Variants in GALNT17 observed in about 807,000 individuals in gnomAD.
GALNT17 encodes polypeptide N-acetylgalactosaminyltransferase 17, also known as UDP-GalNAc:polypeptide N-acetylgalactosaminyltransferase-like 3.
A neutral mutation model predicts 63.7 loss-of-function variants in GALNT17; 29 were observed. The ratio of observed to expected loss-of-function variants is 0.46; its 90% CI spans 0.34 to 0.62. The LOEUF (loss-of-function observed/expected upper bound fraction) is 0.62. Among genes scored for constraint, GALNT17 ranks in the 20% least tolerant of loss-of-function variants. The pLI, the probability that GALNT17 is intolerant of heterozygous loss-of-function variation, is 0.01. For synonymous variants in GALNT17, 305 were observed against 318.3 expected (o/e 0.96, Z 0.45); for missense variants, 603 against 799.6 (o/e 0.75, Z 2.97).
At chr7:71,369,811 C>CAAAA (rs763387719) in intron 2 of GALNT17, among the ~76,000 whole-genome samples, 3 of 72,132 alleles carry the variant, frequency 4.2e-5, no homozygotes, top group Non-Finnish European at 8.9e-5. Flanking sequence ...GGCTTTTTGT[C>CAAAA]AAAAAAAAAA....
At chr7:71,431,774 G>A (rs147189797) in intron 5 of GALNT17, among the ~76,000 whole-genome samples, 2 of 152,076 alleles carry the variant, frequency 1.3e-5, no homozygotes, top group African/African-American at 2.4e-5. Context: ...GTGTGTTTGG[G>A]GTCTTAAAGC....
intron 1 of GALNT17, among the ~76,000 whole-genome samples, chr7:71,173,972 G>T: frequency 6.6e-6 from 1 of 152,106 alleles, no homozygotes. Context: ...GAGAAAACTG[G>T]GAAGAGGAGG....
chr7:71,542,092 C>T (rs527683362), intron 5 of GALNT17, among the ~76,000 whole-genome samples: 9 of 152,168 alleles, frequency 5.9e-5, no homozygotes, highest in East Asian at 1.9e-4. Flanking sequence ...GCAGGGGAAC[C>T]GGATCGTGCA....
intron 5 of GALNT17, among the ~76,000 whole-genome samples, chr7:71,502,448 T>A (rs145737101): frequency 6.6e-6 from 1 of 152,236 alleles, no homozygotes; most frequent in Non-Finnish European, 1.5e-5. Flanking sequence ...CTGTCAGATA[T>A]GTCCTTCTTC....
rs139751210 is a variant in GALNT17 at position 71,184,939 on chromosome 7, A to C, written c.238+51899A>C. ...CCCACCCTCCCTCCCTCCCTTCCTC[A>C]CTTCCTTCCTTCCTTCCTTCCTTCC... is the stretch of plus-strand genomic sequence containing the variant. On this transcript the variant is annotated intron_variant, in intron 1 of 10. Transcript: ENST00000333538. Among the ~76,000 whole-genome samples the C allele has an allele frequency of 7.8e-3, 501 of 64,112 alleles. 7 individuals carry two copies. The highest frequency in any genetic ancestry group is 0.032 in the East Asian group (51 of 1,610). 42.1% of individuals were successfully genotyped at this position (64,112 alleles called of 152,430 possible).
intron 5 of GALNT17, among the ~76,000 whole-genome samples, chr7:71,536,685 C>T (rs150650208): frequency 3.9e-5 from 6 of 152,238 alleles, no homozygotes; most frequent in South Asian, 2.1e-4. Context: ...TCCCACAACA[C>T]GTGGGAATTA....
chr7:71,238,302 G>A (rs890499909), intron 1 of GALNT17, among the ~76,000 whole-genome samples: 6 of 152,176 alleles, frequency 3.9e-5, no homozygotes, highest in African/African-American at 1.4e-4. Context: ...AAGGTGAGGG[G>A]TTGGGAAAGA....
chr7:71,675,851 G>T (rs965156834), intron 8 of GALNT17, among the ~76,000 whole-genome samples: 6 of 152,118 alleles, frequency 3.9e-5, no homozygotes, highest in Non-Finnish European at 8.8e-5. Context: ...AACTGGGCGT[G>T]GTAGCGGGCG....
chr7:71,331,319 C>G (rs755668614), intron 1 of GALNT17, among the ~76,000 whole-genome samples: 1 of 152,172 alleles, frequency 6.6e-6, no homozygotes, highest in Admixed American at 6.6e-5. Flanking sequence ...TGCCATCTCT[C>G]GCACAGGCTG....
intron 2 of GALNT17, among the ~76,000 whole-genome samples, chr7:71,338,051 T>C (rs1351771275): frequency 6.6e-6 from 1 of 151,052 alleles, no homozygotes. Context: ...AACCTAAAAA[T>C]TGCGAGGTGC....
At chr7:71,523,883 G>A (rs1788571854) in intron 5 of GALNT17, among the ~76,000 whole-genome samples, 1 of 151,800 alleles carries the variant, frequency 6.6e-6, no homozygotes. Context: ...ACTTTGGAAG[G>A]CCGAGGTGGG....
rs73188461 is a variant in GALNT17 at position 71,216,444 on chromosome 7, C to G, written c.238+83404C>G. On this transcript the variant is annotated intron_variant, in intron 1 of 10. Transcript: ENST00000333538. ...TTTGAGAACCCCTGATGTGGTGACT[C>G]AGATACATTCAACTTCATCTTTGCT... Among the ~76,000 whole-genome samples the G allele has an allele frequency of 8.5e-3, 1,295 of 152,236 alleles. 11 individuals are homozygous for G. Among genetic ancestry groups the G allele is most frequent in the Non-Finnish European group, 0.015 (999 of 68,004 alleles).
chr7:71,565,755 CAA>C (rs1282363594), intron 5 of GALNT17, among the ~76,000 whole-genome samples: 1 of 152,016 alleles, frequency 6.6e-6, no homozygotes, highest in Non-Finnish European at 1.5e-5. Flanking sequence ...CCCACAGATA[CAA>C]ACACAAATCT....
chr7:71,440,646 T>A (rs13231355), intron 5 of GALNT17, among the ~76,000 whole-genome samples: 78,552 of 152,008 alleles, frequency 0.52, 22,244 homozygotes, highest in Non-Finnish European at 0.65. Context: ...AGTGCTGGGA[T>A]TACAGGTGTG....
intron 5 of GALNT17, among the ~76,000 whole-genome samples, chr7:71,516,239 G>GA (rs1439337767): frequency 3.3e-5 from 5 of 150,342 alleles, no homozygotes; most frequent in Non-Finnish European, 7.4e-5. Flanking sequence ...TTCCATTTAG[G>GA]AAAAAAAAAG....
intron 1 of GALNT17, among the ~76,000 whole-genome samples, chr7:71,311,852 C>A (rs531315133): frequency 6.6e-6 from 1 of 152,298 alleles, no homozygotes; most frequent in Non-Finnish European, 1.5e-5. Context: ...GGAACATTAG[C>A]CTAGCATATT....
intron 5 of GALNT17, among the ~76,000 whole-genome samples, chr7:71,473,520 T>C (rs1787675121): frequency 3.9e-5 from 6 of 152,230 alleles, no homozygotes; most frequent in Admixed American, 3.9e-4. Context: ...ATTTGGTATC[T>C]TACTGCCACA....
At chr7:71,502,451 CCTT>C (rs1350860692) in intron 5 of GALNT17, among the ~76,000 whole-genome samples, 1 of 152,174 alleles carries the variant, frequency 6.6e-6, no homozygotes, top group Non-Finnish European at 1.5e-5. Flanking sequence ...TCAGATATGT[CCTT>C]CTTCACATGA....
Position 71,143,246 on chromosome 7 carries a change from A to G in GALNT17, c.238+10206A>G, listed in dbSNP as rs539477357. On this transcript the variant is annotated intron_variant, in intron 1 of 10. Coordinates refer to ENST00000333538, the MANE Select transcript of GALNT17 (RefSeq NM_022479.3). ...AGACCAGCCTGGCCAACACAGCGAA[A>G]CCCTGTCTCTACTAAAAGTACAAAA... 3.3e-5 allele frequency among the ~76,000 whole-genome samples: 5 copies of G among 151,768 alleles called. No individual in the cohort carries two copies. In the South Asian group the frequency reaches 8.3e-4, roughly 25 times the overall value.
Sources: allele counts gnomAD v4.1 joint callset (sites outside exome capture counted in the v4.1 genomes callset), GRCh38; gene constraint gnomAD v4.1.1; transcripts MANE v1.5; gene names NCBI Gene and HGNC (gene_info 2026-07-23, HGNC 2026-07-21).